The following KCNH8 variants were observed in gnomAD, a reference collection of about 807,000 sequenced individuals.
KCNH8 encodes voltage-gated delayed rectifier potassium channel KCNH8.
A neutral mutation model predicts 103.6 loss-of-function variants in KCNH8; 70 were observed. The ratio of observed to expected loss-of-function variants is 0.68; its 90% confidence interval spans 0.56 to 0.82. The LOEUF (loss-of-function observed/expected upper bound fraction) is 0.82. KCNH8 is among the 40% of genes least tolerant of loss of function. The pLI, the probability that KCNH8 is intolerant of heterozygous loss-of-function variation, is 0.00. For synonymous variants in KCNH8, 498 were observed against 489.4 expected (o/e 1.02, Z -0.23); for missense variants, 1,217 against 1,329.9 (o/e 0.92, Z 1.32).
At chr3:19,431,756 C>T (rs2067125649) in intron 7 of KCNH8, among the ~76,000 whole-genome samples, 1 of 151,330 alleles carries the variant, frequency 6.6e-6, no homozygotes, top group Non-Finnish European at 1.5e-5. Context: ...GGAATTTATC[C>T]ATTTCTTCTA....
At chr3:19,432,079 C>G (rs1471656069) in intron 7 of KCNH8, among the ~76,000 whole-genome samples, 1 of 151,712 alleles carries the variant, frequency 6.6e-6, no homozygotes, top group African/African-American at 2.4e-5. Context: ...CAATACAAAG[C>G]TAAGGTAAAC....
At chr3:19,325,451 G>A (rs1403092685) in intron 3 of KCNH8, among the ~76,000 whole-genome samples, 1 of 151,974 alleles carries the variant, frequency 6.6e-6, no homozygotes, top group Non-Finnish European at 1.5e-5. Flanking sequence ...TCTAACAAAG[G>A]TCTAATATCC....
At chr3:19,382,980 G>A (rs2066308102) in intron 5 of KCNH8, among the ~76,000 whole-genome samples, 1 of 152,076 alleles carries the variant, frequency 6.6e-6, no homozygotes, top group Admixed American at 6.5e-5. Context: ...ATCAAGGCAA[G>A]GAGAAGAAAA....
At chr3:19,285,793 G>A (rs935584868) in intron 3 of KCNH8, among the ~76,000 whole-genome samples, 4 of 151,802 alleles carry the variant, frequency 2.6e-5, no homozygotes, top group African/African-American at 7.3e-5. Flanking sequence ...ACTTGCCCTC[G>A]GCAAAGTGCT....
At chr3:19,232,385 A>G (rs955908964) in intron 1 of KCNH8, among the ~76,000 whole-genome samples, 4 of 152,204 alleles carry the variant, frequency 2.6e-5, no homozygotes, top group African/African-American at 7.2e-5. Flanking sequence ...AATCTTAGCT[A>G]CAAGAAAACC....
intron 1 of KCNH8, among the ~76,000 whole-genome samples, chr3:19,208,655 A>G (rs2063739764): frequency 6.6e-6 from 1 of 151,994 alleles, no homozygotes; most frequent in Non-Finnish European, 1.5e-5. Flanking sequence ...TAAATTAATA[A>G]GAGGACAATA....
chr3:19,194,959 G>A (rs919482500), intron 1 of KCNH8, among the ~76,000 whole-genome samples: 1 of 152,016 alleles, frequency 6.6e-6, no homozygotes, highest in East Asian at 1.9e-4. Context: ...CATATAGTTA[G>A]ATAAGGAGTA....
chr3:19,295,501 C>A (rs543850903), intron 3 of KCNH8, among the ~76,000 whole-genome samples: 1 of 152,076 alleles, frequency 6.6e-6, no homozygotes, highest in South Asian at 2.1e-4. Flanking sequence ...TGATGATGTT[C>A]GCTATATCCA....
chr3:19,407,381 G>A (rs2066708050), intron 7 of KCNH8, among the ~76,000 whole-genome samples: 1 of 152,034 alleles, frequency 6.6e-6, no homozygotes, highest in Non-Finnish European at 1.5e-5. Context: ...GCCTGGTTCA[G>A]CAACCTGAGC....
At chr3:19,236,296 A>G (rs2064064342) in intron 1 of KCNH8, among the ~76,000 whole-genome samples, 2 of 152,226 alleles carry the variant, frequency 1.3e-5, no homozygotes. Flanking sequence ...GGGTGGGTAC[A>G]TGCAGCTTTT....
chr3:19,330,301 T>C (rs1183133521), intron 3 of KCNH8, among the ~76,000 whole-genome samples: 1 of 152,194 alleles, frequency 6.6e-6, no homozygotes, highest in Non-Finnish European at 1.5e-5. Context: ...ATAAATGTCT[T>C]CCTTATATTC....
intron 1 of KCNH8, among the ~76,000 whole-genome samples, chr3:19,221,155 C>T (rs769109715): frequency 2.6e-5 from 4 of 152,172 alleles, no homozygotes; most frequent in South Asian, 2.1e-4. Context: ...TTAGATTGAG[C>T]AGTATATACT....
intron 5 of KCNH8, among the ~76,000 whole-genome samples, chr3:19,375,700 A>C (rs1022842532): frequency 6.6e-6 from 1 of 152,072 alleles, no homozygotes; most frequent in African/African-American, 2.4e-5. Flanking sequence ...TAGAGTTTCC[A>C]GTTTTTCTGT....
intron 1 of KCNH8, among the ~76,000 whole-genome samples, chr3:19,152,715 C>A (rs1472023968): frequency 1.3e-5 from 2 of 152,160 alleles, no homozygotes; most frequent in Non-Finnish European, 2.9e-5. Context: ...GCGGGCAGAT[C>A]ACTTGAGGCC....
At chr3:19,224,017 G>A (rs1355760674) in intron 1 of KCNH8, among the ~76,000 whole-genome samples, 4 of 152,144 alleles carry the variant, frequency 2.6e-5, no homozygotes, top group South Asian at 2.1e-4. Flanking sequence ...AAGATCTATA[G>A]TGACACATCT....
Position 19,534,750 on chromosome 3 carries a change from TTTC to T in KCNH8, c.*654_*656del, listed in dbSNP as rs761383523. 3 of 152,452 alleles carry T rather than the reference TTTC, an allele frequency of 2.0e-5. No homozygotes were observed. Among genetic ancestry groups the T allele is most frequent in the Non-Finnish European group, 4.4e-5 (3 of 68,022 alleles). 9.4% of individuals were successfully genotyped at this position (152,452 alleles called of 1,614,324 possible). A position where few individuals can be genotyped will look rare whatever the true frequency, so the allele number is the denominator to read the frequency against. On this transcript the variant is annotated 3_prime_UTR_variant, in exon 16 of 16. Coordinates refer to ENST00000328405, the MANE Select transcript of KCNH8 (RefSeq NM_144633.3). ...TAAATATTTATAAAGAAATGAATGTTTTCTTTTCATTTTGGTAAAAAAAAAGCT... is the reference window on the plus strand; with the variant it reads ...TAAATATTTATAAAGAAATGAATGTTTTTTCATTTTGGTAAAAAAAAAGCT...
intron 2 of KCNH8, among the ~76,000 whole-genome samples, chr3:19,269,210 A>G (rs2064554846): frequency 6.6e-6 from 1 of 152,074 alleles, no homozygotes. Flanking sequence ...ATCTCAACCC[A>G]TTGGCAATAT....
chr3:19,425,448 C>A (rs1575052122), intron 7 of KCNH8, among the ~76,000 whole-genome samples: 1 of 152,158 alleles, frequency 6.6e-6, no homozygotes, highest in East Asian at 1.9e-4. Flanking sequence ...ATATTTCACA[C>A]AACAACCTGA....
intron 7 of KCNH8, among the ~76,000 whole-genome samples, chr3:19,403,307 TACAA>T (rs1481359095): frequency 9.6e-5 from 14 of 146,528 alleles, no homozygotes; most frequent in South Asian, 2.2e-4. Context: ...GACAATCTCA[TACAA>T]ACAATTACTC....
Sources: allele counts gnomAD v4.1 joint callset (sites outside exome capture counted in the v4.1 genomes callset), GRCh38; gene constraint gnomAD v4.1.1; transcripts MANE v1.5; gene names NCBI Gene and HGNC (gene_info 2026-07-23, HGNC 2026-07-21).